RARB: variants seen among roughly 807,000 people sequenced by gnomAD.
RARB encodes the protein HBV-activated protein.
RARB carries 17 observed loss-of-function variants against 51.9 expected under a neutral mutation model. That is an observed-to-expected ratio of 0.33 (90% confidence interval 0.22 to 0.49). RARB has a LOEUF of 0.49. Among genes scored for constraint, RARB ranks in the 20% least tolerant of loss-of-function variants. The pLI, the probability that RARB is intolerant of heterozygous loss-of-function variation, is 0.99. For missense variants in RARB, 369 were observed against 550.8 expected (o/e 0.67, Z 3.30); for synonymous variants, 215 against 195.4 (o/e 1.10, Z -0.84).
At chr3:25,256,292 AC>A (rs1373860202) in intron 5 of RARB, among the ~76,000 whole-genome samples, 4 of 152,184 alleles carry the variant, frequency 2.6e-5, no homozygotes, top group Non-Finnish European at 5.9e-5. Context: ...AAGGAATTAA[AC>A]ATACATATGT....
chr3:25,437,834 G>C (rs1425181611), intron 1 of RARB, among the ~76,000 whole-genome samples: 1 of 152,182 alleles, frequency 6.6e-6, no homozygotes, highest in Non-Finnish European at 1.5e-5. Context: ...ACTTTCATGT[G>C]GATGTTTCTG....
At chr3:25,244,520 C>G (rs1036525261) in intron 5 of RARB, among the ~76,000 whole-genome samples, 10 of 152,176 alleles carry the variant, frequency 6.6e-5, no homozygotes, top group African/African-American at 2.2e-4. Flanking sequence ...TGTCTTTGTT[C>G]TCATTGGTTT....
intron 1 of RARB, among the ~76,000 whole-genome samples, chr3:25,433,105 C>T (rs565347728): frequency 6.6e-6 from 1 of 152,236 alleles, no homozygotes; most frequent in East Asian, 1.9e-4. Context: ...GAAGGTTAAT[C>T]AGAAAAATCT....
At chr3:25,099,510 T>G (rs543108629) in intron 3 of RARB, among the ~76,000 whole-genome samples, 17 of 152,142 alleles carry the variant, frequency 1.1e-4, no homozygotes, top group South Asian at 4.2e-4. Context: ...AAGATGCATA[T>G]GTATCATTGA....
chr3:25,395,526 G>A (rs187381096), intron 5 of RARB, among the ~76,000 whole-genome samples: 2 of 152,230 alleles, frequency 1.3e-5, no homozygotes, highest in Admixed American at 6.5e-5. Flanking sequence ...CTTCTTGCTT[G>A]GGAACACCAA....
chr3:25,043,155 T>C (rs1245254989), intron 2 of RARB, among the ~76,000 whole-genome samples: 1 of 152,222 alleles, frequency 6.6e-6, no homozygotes, highest in Non-Finnish European at 1.5e-5. Context: ...TTCTCTTTCA[T>C]CTTTTTTTAA....
chr3:24,929,319 T>A (rs980800299), intron 2 of RARB, among the ~76,000 whole-genome samples: 1 of 152,098 alleles, frequency 6.6e-6, no homozygotes, highest in African/African-American at 2.4e-5. Context: ...TCTCTGCGTT[T>A]GCACATTACA....
intron 2 of RARB, among the ~76,000 whole-genome samples, chr3:25,039,189 G>C (rs1698063607): frequency 6.6e-6 from 1 of 152,178 alleles, no homozygotes; most frequent in Non-Finnish European, 1.5e-5. Flanking sequence ...CTCTGCATTT[G>C]ATTAGAGGGA....
At chr3:25,339,760 A>G (rs551405794) in intron 5 of RARB, among the ~76,000 whole-genome samples, 5 of 152,220 alleles carry the variant, frequency 3.3e-5, no homozygotes, top group Admixed American at 2.0e-4. Context: ...CAGGAGCCAT[A>G]GCATTGTACC....
At chr3:24,867,155 G>A (rs1417577759) in intron 2 of RARB, among the ~76,000 whole-genome samples, 1 of 152,104 alleles carries the variant, frequency 6.6e-6, no homozygotes, top group Non-Finnish European at 1.5e-5. Flanking sequence ...AATTGTTTAT[G>A]TCTACACCTT....
At chr3:25,239,519 G>A (rs1702380115) in intron 5 of RARB, among the ~76,000 whole-genome samples, 1 of 152,066 alleles carries the variant, frequency 6.6e-6, no homozygotes, top group Admixed American at 6.5e-5. Context: ...TTCTGCATAT[G>A]GGTGTCCAAT....
intron 2 of RARB, among the ~76,000 whole-genome samples, chr3:24,940,365 G>T (rs1253394301): frequency 6.6e-6 from 1 of 152,212 alleles, no homozygotes; most frequent in Non-Finnish European, 1.5e-5. Context: ...TGGCGACGTA[G>T]AGAGGAGATT....
chr3:25,509,612 C>T (rs1235914936), intron 3 of RARB, among the ~76,000 whole-genome samples: 2 of 152,192 alleles, frequency 1.3e-5, no homozygotes, highest in African/African-American at 4.8e-5. Flanking sequence ...AGCCAGGTGG[C>T]TCATTTGCCC....
intron 5 of RARB, among the ~76,000 whole-genome samples, chr3:25,309,392 G>C (rs1038735286): frequency 6.7e-6 from 1 of 149,984 alleles, no homozygotes; most frequent in African/African-American, 2.5e-5. Context: ...ACCTGCCTTG[G>C]CTTCCCAAAG....
At chr3:25,452,703 C>T (rs1170995426) in intron 1 of RARB, among the ~76,000 whole-genome samples, 1 of 151,996 alleles carries the variant, frequency 6.6e-6, no homozygotes, top group Non-Finnish European at 1.5e-5. Flanking sequence ...CATATTAAGT[C>T]ATTTACATCT....
chr3:24,995,192 A>G (rs887971144), intron 2 of RARB, among the ~76,000 whole-genome samples: 6 of 150,692 alleles, frequency 4.0e-5, no homozygotes, highest in Non-Finnish European at 7.4e-5. Context: ...TTTTTTAAGT[A>G]AAGGTCCTTC....
At chr3:25,532,070 C>T (rs1445110943) in intron 3 of RARB, among the ~76,000 whole-genome samples, 1 of 152,068 alleles carries the variant, frequency 6.6e-6, no homozygotes, top group Admixed American at 6.6e-5. Context: ...CAGCTCTTGA[C>T]ATGATTTATT....
chr3:24,881,213 C>T (rs934318562), intron 2 of RARB, among the ~76,000 whole-genome samples: 2 of 152,172 alleles, frequency 1.3e-5, no homozygotes, highest in African/African-American at 4.8e-5. Flanking sequence ...TGAGGCTTCC[C>T]CAGCCATGCA....
intron 5 of RARB, among the ~76,000 whole-genome samples, chr3:25,343,547 A>C (rs1414560527): frequency 6.6e-6 from 1 of 152,030 alleles, no homozygotes; most frequent in African/African-American, 2.4e-5. Context: ...TTTTTCCAGA[A>C]AAAAAAATTG....
Sources: allele counts gnomAD v4.1 joint callset (sites outside exome capture counted in the v4.1 genomes callset), GRCh38; gene constraint gnomAD v4.1.1; transcripts MANE v1.5; gene names NCBI Gene and HGNC (gene_info 2026-07-23, HGNC 2026-07-21).